CRYBG1: variants seen among roughly 807,000 people sequenced by gnomAD.
The protein encoded by CRYBG1 is beta/gamma crystallin domain-containing protein 1.
CRYBG1 carries 139 observed loss-of-function variants against 189.2 expected under a neutral mutation model. That is an observed-to-expected ratio of 0.73 (90% CI 0.64 to 0.85). CRYBG1 has a LOEUF of 0.85. CRYBG1 is among the 40% of genes least tolerant of loss of function. The pLI, the probability that CRYBG1 is intolerant of heterozygous loss-of-function variation, is 0.00. For missense variants in CRYBG1, 2,611 were observed against 2,675.8 expected (o/e 0.98, Z 0.53); for synonymous variants, 1,023 against 1,017.1 (o/e 1.01, Z -0.11).
intron 2 of CRYBG1, among the ~76,000 whole-genome samples, chr6:106,471,461 G>T (rs899620554): frequency 6.6e-6 from 1 of 152,118 alleles, no homozygotes; most frequent in Admixed American, 6.5e-5. Flanking sequence ...TCTCCTATTC[G>T]GGATCATATC....
chr6:106,396,525 G>T (rs1770613610), intron 1 of CRYBG1, among the ~76,000 whole-genome samples: 1 of 152,164 alleles, frequency 6.6e-6, no homozygotes, highest in Non-Finnish European at 1.5e-5. Flanking sequence ...TAGCACCAGA[G>T]ATAGAAAAAC....
intron 2 of CRYBG1, among the ~76,000 whole-genome samples, chr6:106,489,211 A>T (rs1195811673): frequency 1.3e-5 from 2 of 152,096 alleles, no homozygotes; most frequent in East Asian, 1.9e-4. Context: ...GGCTTCTGTG[A>T]TCCACAGGGG....
chr6:106,378,065 A>C (rs1473455072), intron 1 of CRYBG1, among the ~76,000 whole-genome samples: 1 of 152,120 alleles, frequency 6.6e-6, no homozygotes, highest in Non-Finnish European at 1.5e-5. Context: ...GAAGCCATGT[A>C]TGAGAGCATG....
chr6:106,388,351 A>T (rs556000556), intron 1 of CRYBG1, among the ~76,000 whole-genome samples: 145 of 152,164 alleles, frequency 9.5e-4, no homozygotes, highest in Non-Finnish European at 1.8e-3. Flanking sequence ...TTATTTCATA[A>T]ATTTAAGGAA....
Position 106,571,876 on chromosome 6 carries a change from G to A in CRYBG1, c.*3310G>A, listed in dbSNP as rs1308921075. 7 of 615,860 alleles carry A rather than the reference G, an allele frequency of 1.1e-5. No individual in the cohort carries two copies. The East Asian group carries it at 1.4e-4, about 12-fold the overall frequency. 38.1% of individuals were successfully genotyped at this position (615,860 alleles called of 1,614,324 possible). On this transcript the variant is annotated 3_prime_UTR_variant, in exon 22 of 22. Coordinates refer to ENST00000633556, the MANE Select transcript of CRYBG1 (RefSeq NM_001371242.2). ...ATGGTGTGTTTATTTTTTAAAGCTT[G>A]TATCATGGAATGTATAATCTAATCT...
intron 1 of CRYBG1, among the ~76,000 whole-genome samples, chr6:106,422,851 T>C (rs1394572898): frequency 6.6e-6 from 1 of 152,220 alleles, no homozygotes; most frequent in Non-Finnish European, 1.5e-5. Context: ...CAAGGCACCA[T>C]GGGAGCATGA....
At chr6:106,526,899 C>A (rs1452196955) in intron 6 of CRYBG1, among the ~76,000 whole-genome samples, 3 of 143,864 alleles carry the variant, frequency 2.1e-5, no homozygotes, top group Non-Finnish European at 4.5e-5. Context: ...CGAGATCGCA[C>A]CACTGCACTC....
intron 1 of CRYBG1, among the ~76,000 whole-genome samples, chr6:106,362,499 G>A (rs1771899328): frequency 6.6e-6 from 1 of 152,182 alleles, no homozygotes; most frequent in Admixed American, 6.5e-5. Context: ...AGGTGAAGTG[G>A]CTTAGGCAGA....
At chr6:106,415,527 A>G (rs1771005810) in intron 1 of CRYBG1, among the ~76,000 whole-genome samples, 1 of 151,874 alleles carries the variant, frequency 6.6e-6, no homozygotes, top group African/African-American at 2.4e-5. Flanking sequence ...GAGTTCAGAC[A>G]AGCCTGGGTA....
intron 2 of CRYBG1, 85 bp from the exon 3 acceptor site, chr6:106,511,345 T>G (rs1438297219): frequency 5.8e-6 from 7 of 1,209,820 alleles, no homozygotes; most frequent in Non-Finnish European, 7.8e-6. Flanking sequence ...CTGTTATCAT[T>G]TTGGCTGGTG....
chr6:106,512,670 GGAGCCGTGCCCTC>G lies in CRYBG1; in HGVS notation c.1557_1569del (p.Ser519ArgfsTer100). The G allele has an allele frequency of 4.5e-6, 7 of 1,570,882 alleles. No individual in the cohort carries two copies. Among genetic ancestry groups the G allele is most frequent in the Non-Finnish European group, 6.0e-6 (7 of 1,159,104 alleles). On this transcript the variant is annotated frameshift_variant, in exon 3 of 22. Coordinates refer to ENST00000633556, the MANE Select transcript of CRYBG1 (RefSeq NM_001371242.2). LOFTEE classifies it high-confidence loss of function. Reference sequence around the variant, plus strand: ...TCGTCCCCCACGAAGAGGAAGGGCAGGAGCCGTGCCCTCGAGGCCGTGCCCGCCCCGCCCGCCA... The same window carrying G: ...TCGTCCCCCACGAAGAGGAAGGGCAGGAGGCCGTGCCCGCCCCGCCCGCCA...
chr6:106,526,201 C>G (rs1178764321), intron 6 of CRYBG1, among the ~76,000 whole-genome samples: 1 of 152,088 alleles, frequency 6.6e-6, no homozygotes, highest in African/African-American at 2.4e-5. Context: ...CTTTTGGTCT[C>G]CATTTGATTA....
At chr6:106,451,516 T>A in intron 1 of CRYBG1, 178 bp from the exon 2 acceptor site, 1 of 508,018 alleles carries the variant, frequency 2.0e-6, no homozygotes, top group Non-Finnish European at 3.2e-6. Context: ...CAGGTTTATT[T>A]ATAAATGTGC....
intron 1 of CRYBG1, among the ~76,000 whole-genome samples, chr6:106,416,955 GT>G (rs914488722): frequency 3.3e-5 from 4 of 120,104 alleles, no homozygotes; most frequent in Non-Finnish European, 5.3e-5. Flanking sequence ...TTTACATTGA[GT>G]TTTTTTTACA....
intron 2 of CRYBG1, among the ~76,000 whole-genome samples, chr6:106,488,620 G>A (rs1487128767): frequency 8.5e-5 from 13 of 152,176 alleles, no homozygotes; most frequent in African/African-American, 2.9e-4. Flanking sequence ...TCTCTCTGGT[G>A]GGGTGGGCTG....
At chr6:106,537,641 G>A (rs1774034448) in intron 8 of CRYBG1, among the ~76,000 whole-genome samples, 1 of 152,206 alleles carries the variant, frequency 6.6e-6, no homozygotes, top group East Asian at 1.9e-4. Flanking sequence ...TATATAAGCT[G>A]AGTGAATTTT....
chr6:106,451,712 T>C lies in CRYBG1; in HGVS notation c.192T>C (p.Asp64=). ...AGEARALDVV[D]GKYVVRDSQE... ...TTTGCAGAGCTTTGGATGTAGTCGA[T>C]GGAAAATATGTGGTTCGAGACTCCC... The change falls in exon 2 of 22, where the codon GAT becomes GAC. Residue 64 remains aspartate (D), a synonymous_variant. Coordinates refer to ENST00000633556, the MANE Select transcript of CRYBG1 (RefSeq NM_001371242.2). The C allele has an allele frequency of 6.5e-7, 1 of 1,533,692 alleles. No individual in the cohort carries two copies. The highest frequency in any genetic ancestry group is 8.7e-7 in the Non-Finnish European group (1 of 1,145,808).
chr6:106,438,573 G>A (rs1000184601), intron 1 of CRYBG1, among the ~76,000 whole-genome samples: 2 of 152,144 alleles, frequency 1.3e-5, no homozygotes, highest in Non-Finnish European at 2.9e-5. Context: ...TGTCACAGGC[G>A]TGTGGCTCTG....
chr6:106,571,778 G>GA lies in CRYBG1; in HGVS notation c.*3218dup. 2.1e-6 allele frequency: 1 copy of GA among 470,628 alleles called. No homozygotes were observed. Among genetic ancestry groups the GA allele is most frequent in the Non-Finnish European group, 3.8e-6 (1 of 262,682 alleles). The allele number at this position is 470,628 out of a possible 1,614,324, so 29.2% of individuals were successfully genotyped here. Reference sequence around the variant, plus strand: ...CAAAGCCAGTGTGAAGGAACAGCTTGAAAAAACTTCGAATTTCTACTGACT... The same window carrying GA: ...CAAAGCCAGTGTGAAGGAACAGCTTGAAAAAAACTTCGAATTTCTACTGACT... On this transcript the variant is annotated 3_prime_UTR_variant, in exon 22 of 22. Transcript: ENST00000633556.
Sources: allele counts gnomAD v4.1 joint callset (sites outside exome capture counted in the v4.1 genomes callset), GRCh38; gene constraint gnomAD v4.1.1; transcripts MANE v1.5; gene names NCBI Gene and HGNC (gene_info 2026-07-23, HGNC 2026-07-21).